Variants in NIN observed in about 807,000 individuals in gnomAD.
The protein encoded by NIN is glycogen synthase kinase 3 beta-interacting protein.
A neutral mutation model predicts 257.6 loss-of-function variants in NIN; 137 were observed. The ratio of observed to expected loss-of-function variants is 0.53; its 90% CI spans 0.46 to 0.61. NIN has a LOEUF of 0.61. NIN is among the 20% of genes least tolerant of loss of function. NIN has a pLI of 0.00. For synonymous variants in NIN, 918 were observed against 919.8 expected (o/e 1.00, Z 0.04); for missense variants, 2,439 against 2,501.2 (o/e 0.98, Z 0.53).
chr14:50,758,241 T>C lies in NIN; in HGVS notation c.2789A>G (p.Gln930Arg). Residue 930 changes from glutamine (Q) to arginine (R), a missense_variant, in exon 18 of 31, where the codon CAA becomes CGA. By Grantham distance (43) the Gln-to-Arg change is conservative. This residue lies in a region of NIN where 2,043 missense variants were observed against 2,050.2 expected (regional missense o/e 1.00). Coordinates refer to ENST00000530997, the MANE Select transcript of NIN (RefSeq NM_020921.4). ...AAGTATCTGGTCAGACAGCAGGCTT[T>C]GCTGGGTTTCAGATACATTTCTTAG... ...EDLRNVSETQ[Q>R]SLLSDQILEL... The C allele has an allele frequency of 6.2e-7, 1 of 1,614,212 alleles. No individual in the cohort carries two copies. The highest frequency in any genetic ancestry group is 8.5e-7 in the Non-Finnish European group (1 of 1,180,028).
At chr14:50,822,248 C>A (rs1246144701) in intron 2 of NIN, among the ~76,000 whole-genome samples, 171 bp from the exon 3 acceptor site, 1 of 152,192 alleles carries the variant, frequency 6.6e-6, no homozygotes, top group African/African-American at 2.4e-5. Flanking sequence ...GTAGGACCAG[C>A]CCTGGCCAGT....
At position 50,758,116 on chromosome 14, in the gene NIN, G is replaced by C. The variant is rs369206547; in HGVS notation, c.2914C>G (p.Leu972Val). The stretch of plus-strand genomic sequence containing the variant: ...CTTTCCTGGTCATGTTCCATTTCTA[G>C]TCTTTCCAGCCGCTGGCTGGCCAGC... ...EQLASQRLER[L>V]EMEHDQERQE... is the part of the protein sequence containing the mutation. The change falls in exon 18 of 31, where the codon CTA (leucine) becomes GTA (valine). Residue 972 changes from leucine to valine, a missense_variant. By Grantham distance (32) the Leu-to-Val change is conservative (BLOSUM62 1). Transcript: ENST00000530997. The C allele has an allele frequency of 1.2e-6, 2 of 1,614,000 alleles. No homozygotes were observed. Among genetic ancestry groups the C allele is most frequent in the Non-Finnish European group, 1.7e-6 (2 of 1,180,048 alleles).
At chr14:50,796,012 C>T (rs1363153326) in intron 4 of NIN, among the ~76,000 whole-genome samples, 1 of 152,146 alleles carries the variant, frequency 6.6e-6, no homozygotes, top group Non-Finnish European at 1.5e-5. Context: ...AAAAGAAATG[C>T]TATCAAAACA....
At chr14:50,799,431 G>C (rs568666142) in intron 4 of NIN, among the ~76,000 whole-genome samples, 1 of 152,300 alleles carries the variant, frequency 6.6e-6, no homozygotes, top group South Asian at 2.1e-4. Context: ...CAGTCAGCAA[G>C]AGTCTCTCAG....
In NIN at chr14:50,722,405, TC is replaced by T. The variant is rs574681007; in HGVS notation, c.*1057del. 2 of 212,178 alleles carry T rather than the reference TC, an allele frequency of 9.4e-6. No individual in the cohort carries two copies. The highest frequency in any genetic ancestry group is 2.3e-5 in the African/African-American group (1 of 44,120). 13.1% of individuals were successfully genotyped at this position (212,178 alleles called of 1,614,324 possible). On this transcript the variant is annotated 3_prime_UTR_variant, in exon 31 of 31. Transcript: ENST00000530997. ...TTAACCCTAAAATCAAGGCCTTTTT[TC>T]CCCCAGAATATTAAATTTACTAAAA...
intron 21 of NIN, 55 bp downstream of exon 21, chr14:50,752,463 C>A: frequency 3.0e-6 from 4 of 1,315,510 alleles, no homozygotes; most frequent in Non-Finnish European, 4.3e-6. Context: ...ACAAACATTT[C>A]TTCTATTTCT....
rs150382593 is a variant in NIN at position 50,825,780 on chromosome 14, T to C, written c.-21-3703A>G. On this transcript the variant is annotated intron_variant, in intron 2 of 30. Transcript: ENST00000530997. ...TATGTGTTAGCCAGTTGAACAGTAC[T>C]AAGCAGTAGAAATCCCCACACAACA... Among the ~76,000 whole-genome samples the C allele has an allele frequency of 2.6e-5, 4 of 152,346 alleles. No individual in the cohort carries two copies. The East Asian group carries it at 5.8e-4, about 22-fold the overall frequency.
chr14:50,746,631 T>G (rs1222340652), intron 22 of NIN, among the ~76,000 whole-genome samples: 1 of 152,212 alleles, frequency 6.6e-6, no homozygotes, highest in South Asian at 2.1e-4. Context: ...AAATTTTATA[T>G]GAGTGCCATC....
chr14:50,810,701 G>GC (rs1566872094), intron 3 of NIN, among the ~76,000 whole-genome samples: 1 of 151,408 alleles, frequency 6.6e-6, no homozygotes, highest in Non-Finnish European at 1.5e-5. Flanking sequence ...TGGCTCTGTT[G>GC]CCCAGGCTGG....
intron 3 of NIN, among the ~76,000 whole-genome samples, chr14:50,813,040 C>T (rs780465617): frequency 5.9e-5 from 9 of 152,140 alleles, no homozygotes; most frequent in Non-Finnish European, 7.4e-5. Flanking sequence ...AGAGATAGTT[C>T]TCTTGTGGAG....
intron 3 of NIN, among the ~76,000 whole-genome samples, chr14:50,809,550 T>A (rs2044485580): frequency 6.6e-6 from 1 of 152,208 alleles, no homozygotes; most frequent in African/African-American, 2.4e-5. Context: ...AGATTTCAGA[T>A]TCTTTAACTT....
intron 27 of NIN, 52 bp downstream of exon 27, chr14:50,738,087 GA>G: frequency 6.4e-7 from 1 of 1,568,148 alleles, no homozygotes; most frequent in Non-Finnish European, 8.7e-7. Context: ...ACACACTTAA[GA>G]ACGCATTATA....
chr14:50,771,282 T>A (rs1240467509), intron 10 of NIN, 50 bp downstream of exon 10: 1 of 1,598,814 alleles, frequency 6.3e-7, no homozygotes, highest in South Asian at 1.1e-5. Context: ...AATGACTTGC[T>A]GGACAAGTAG....
At chr14:50,750,876 C>T (rs766484679) in intron 21 of NIN, among the ~76,000 whole-genome samples, 8 of 152,164 alleles carry the variant, frequency 5.3e-5, no homozygotes, top group Non-Finnish European at 1.0e-4. Context: ...TCCCTTCTAG[C>T]GCATTCTCAT....
Position 50,743,575 on chromosome 14 carries a change from A to T in NIN, c.5188-46T>A, listed in dbSNP as rs190426911. The T allele has an allele frequency of 3.7e-4, 425 of 1,146,256 alleles. 1 individual carries two copies. In the East Asian group the frequency reaches 5.6e-3, roughly 15 times the overall value. The allele number at this position is 1,146,256 out of a possible 1,614,324, so 71.0% of individuals were successfully genotyped here. Reference sequence around the variant, plus strand: ...GAGGTAAGAGGGCATTTTTGCAAACATAGCTAGCCTTAATTTATATGCCTG... The same window carrying T: ...GAGGTAAGAGGGCATTTTTGCAAACTTAGCTAGCCTTAATTTATATGCCTG... On this transcript the variant is annotated intron_variant, in intron 23 of 30. Coordinates refer to ENST00000530997, the MANE Select transcript of NIN (RefSeq NM_020921.4).
intron 3 of NIN, among the ~76,000 whole-genome samples, chr14:50,815,559 TAA>T (rs1456207375): frequency 6.6e-6 from 1 of 152,198 alleles, no homozygotes; most frequent in African/African-American, 2.4e-5. Flanking sequence ...CAAAGGAATA[TAA>T]GTCATTATAT....
intron 29 of NIN, 104 bp downstream of exon 29, chr14:50,729,419 G>T: frequency 1.9e-6 from 2 of 1,078,058 alleles, no homozygotes; most frequent in Non-Finnish European, 2.7e-6. Flanking sequence ...ACAGGTGTGT[G>T]CCATTAGATT....
chr14:50,728,309 T>G (rs1436259730), intron 29 of NIN, among the ~76,000 whole-genome samples: 1 of 152,122 alleles, frequency 6.6e-6, no homozygotes, highest in Non-Finnish European at 1.5e-5. Flanking sequence ...TTTAAGAACT[T>G]TAATACTGGG....
At chr14:50,794,521 A>G in intron 4 of NIN, 1 of 990,360 alleles carries the variant, frequency 1.0e-6, no homozygotes, top group Non-Finnish European at 1.2e-6. Flanking sequence ...TGACACCCAC[A>G]GATGCTAGTC....
Sources: allele counts gnomAD v4.1 joint callset (sites outside exome capture counted in the v4.1 genomes callset), GRCh38; gene constraint gnomAD v4.1.1; regional missense constraint gnomAD v4.1.1; transcripts MANE v1.5; gene names NCBI Gene and HGNC (gene_info 2026-07-23, HGNC 2026-07-21).